Variants in RBL2 observed in about 807,000 individuals in gnomAD.
RBL2 encodes RB transcriptional corepressor like 2.
Under a neutral mutation model 126.0 loss-of-function variants are expected in RBL2, and 56 were observed. The ratio of observed to expected loss-of-function variants is 0.44; its 90% CI spans 0.36 to 0.56. The LOEUF is 0.56. Among genes scored for constraint, RBL2 ranks in the 20% least tolerant of loss-of-function variants. The pLI, the probability that RBL2 is intolerant of heterozygous loss-of-function variation, is 0.00. For synonymous variants in RBL2, 454 were observed against 478.5 expected, an observed-to-expected ratio of 0.95 and a Z score of 0.67; for missense variants, 1,229 against 1,398.2, an observed-to-expected ratio of 0.88 and a Z score of 1.93.
At chr16:53,464,665 C>A in intron 12 of RBL2, 1 of 217,982 alleles carries the variant, frequency 4.6e-6, no homozygotes, top group Non-Finnish European at 8.8e-6. Context: ...ATGTCACTAG[C>A]TAATCTTGTA....
At chr16:53,453,362 C>G in intron 5 of RBL2, 90 bp from the exon 6 acceptor site, 1 of 1,196,120 alleles carries the variant, frequency 8.4e-7, no homozygotes, top group East Asian at 2.4e-5. Context: ...AAGTGGTATA[C>G]TGATTATACT....
chr16:53,467,744 A>G lies in RBL2; in HGVS notation c.1975+575A>G, dbSNP rs531261627. Reference sequence around the variant, plus strand: ...TTAAAGTGTATGTTTATTTATGAGCATACAAAATAGTGGAAATGGAAAAAC... The same window carrying G: ...TTAAAGTGTATGTTTATTTATGAGCGTACAAAATAGTGGAAATGGAAAAAC... On this transcript the variant is annotated intron_variant, in intron 14 of 21. Transcript: ENST00000262133. Among the ~76,000 whole-genome samples the G allele has an allele frequency of 5.9e-5, 9 of 152,354 alleles. No individual in the cohort carries two copies. The East Asian group carries it at 1.7e-3, about 29-fold the overall frequency.
chr16:53,471,512 C>A lies in RBL2; in HGVS notation c.2703+590C>A, dbSNP rs2058323447. ...GAGATGTTGTTTCATTCTTGTCACC[C>A]AGGCTGGAGTGCAGTGGTGCATCTC... On this transcript the variant is annotated intron_variant, in intron 17 of 21. Coordinates refer to ENST00000262133, the MANE Select transcript of RBL2 (RefSeq NM_005611.4). Among the ~76,000 whole-genome samples, 3 of 151,984 alleles carry A rather than the reference C, an allele frequency of 2.0e-5. No individual in the cohort carries two copies. In the South Asian group the frequency reaches 6.2e-4, roughly 32 times the overall value.
chr16:53,491,240 A>C lies in RBL2; in HGVS notation c.*940A>C, dbSNP rs1302340600. ...TCTTCCTTTAGGAGGGAGTTATCTAAAAGAAATGTCTATTAAGGTGATATA... is the reference window on the plus strand; with the variant it reads ...TCTTCCTTTAGGAGGGAGTTATCTACAAGAAATGTCTATTAAGGTGATATA... On this transcript the variant is annotated 3_prime_UTR_variant, in exon 22 of 22. Coordinates refer to ENST00000262133, the MANE Select transcript of RBL2 (RefSeq NM_005611.4). The C allele has an allele frequency of 2.0e-5, 3 of 152,182 alleles. No homozygotes were observed. In the South Asian group the frequency reaches 6.2e-4, roughly 31 times the overall value. The allele number at this position is 152,182 out of a possible 1,614,324, so 9.4% of individuals were successfully genotyped here.
intron 4 of RBL2, chr16:53,449,549 T>G (rs1469307042): frequency 6.9e-6 from 1 of 145,922 alleles, no homozygotes; most frequent in Non-Finnish European, 1.5e-5. Context: ...GAGCTGAGAT[T>G]GCACCTCCAG....
intron 8 of RBL2, among the ~76,000 whole-genome samples, chr16:53,455,117 A>G (rs1448698156): frequency 7.2e-5 from 11 of 152,262 alleles, no homozygotes; most frequent in Admixed American, 7.2e-4. Flanking sequence ...AAGATGGGCC[A>G]GTAATATATG....
intron 21 of RBL2, among the ~76,000 whole-genome samples, chr16:53,483,365 G>A (rs1961032650): frequency 1.3e-5 from 2 of 152,052 alleles, no homozygotes; most frequent in Admixed American, 6.6e-5. Context: ...GTTGGAGAAC[G>A]GCTCAGGCAA....
At chr16:53,478,443 G>A (rs1430818400) in intron 17 of RBL2, among the ~76,000 whole-genome samples, 1 of 150,834 alleles carries the variant, frequency 6.6e-6, no homozygotes, top group Non-Finnish European at 1.5e-5. Flanking sequence ...TTACACGTAT[G>A]TTGATTTCCT....
At chr16:53,472,953 G>A (rs974403467) in intron 17 of RBL2, among the ~76,000 whole-genome samples, 1 of 152,280 alleles carries the variant, frequency 6.6e-6, no homozygotes, top group South Asian at 2.1e-4. Context: ...TTGAAAAGAA[G>A]ATTTTTTTCC....
At chr16:53,436,480 T>C (rs1275338636) in intron 1 of RBL2, among the ~76,000 whole-genome samples, 2 of 152,220 alleles carry the variant, frequency 1.3e-5, no homozygotes, top group Non-Finnish European at 2.9e-5. Flanking sequence ...TCATCAAATA[T>C]TTCTTGAGCA....
At chr16:53,435,844 C>T (rs2057953699) in intron 1 of RBL2, 1 of 1,088,246 alleles carries the variant, frequency 9.2e-7, no homozygotes, top group African/African-American at 1.6e-5. Context: ...ATTACTAGTT[C>T]CCTCTTTGAA....
At chr16:53,482,295 T>C (rs1401494720) in intron 21 of RBL2, among the ~76,000 whole-genome samples, 1 of 152,212 alleles carries the variant, frequency 6.6e-6, no homozygotes, top group Non-Finnish European at 1.5e-5. Flanking sequence ...AACAGCCACC[T>C]CATTCTAAGA....
chr16:53,481,529 TTTAGG>T (rs1960945665), intron 20 of RBL2, 137 bp from the exon 21 acceptor site: 2 of 751,898 alleles, frequency 2.7e-6, no homozygotes, highest in African/African-American at 1.8e-5. Context: ...AATATTTTTC[TTTAGG>T]TTAAGTTATT....
chr16:53,468,562 C>A (rs2058291902), intron 14 of RBL2, among the ~76,000 whole-genome samples: 1 of 152,038 alleles, frequency 6.6e-6, no homozygotes, highest in African/African-American at 2.4e-5. Flanking sequence ...TTGTACTTAC[C>A]ACTTCTCAGT....
At chr16:53,456,737 C>A (rs1403098726) in intron 8 of RBL2, among the ~76,000 whole-genome samples, 1 of 152,230 alleles carries the variant, frequency 6.6e-6, no homozygotes, top group African/African-American at 2.4e-5. Context: ...GCAATTCCCT[C>A]TGCCTAAACT....
At chr16:53,449,958 CTTTTTTTTTT>C (rs764078451) in intron 4 of RBL2, among the ~76,000 whole-genome samples, 5 of 109,744 alleles carry the variant, frequency 4.6e-5, no homozygotes, top group Non-Finnish European at 9.3e-5. Context: ...ACAGTACTGC[CTTTTTTTTTT>C]TTTTTTTTTG....
At chr16:53,435,694 A>AT (rs1344509265) in intron 1 of RBL2, 1 of 1,289,122 alleles carries the variant, frequency 7.8e-7, no homozygotes, top group African/African-American at 1.5e-5. Context: ...TTTATAATTA[A>AT]TTTGTAGAAA....
At chr16:53,469,528 G>A (rs8061388) in intron 14 of RBL2, among the ~76,000 whole-genome samples, 3 of 152,086 alleles carry the variant, frequency 2.0e-5, no homozygotes, top group Admixed American at 2.0e-4. Context: ...TACATGAGTG[G>A]TAGGTAGAAA....
In RBL2 at chr16:53,481,845, A is replaced by AC. The variant is rs752825524; in HGVS notation, c.3249+11dup. On this transcript the variant is annotated intron_variant, in intron 21 of 21. Coordinates refer to ENST00000262133, the MANE Select transcript of RBL2 (RefSeq NM_005611.4). ...CAACAGTCCTTCAAAGGTGAGCCTA[A>AC]CATCAATCTTGGCCTTTACTAACCT... is the stretch of plus-strand genomic sequence containing the variant. The AC allele has an allele frequency of 6.4e-7, 1 of 1,566,786 alleles. No homozygotes were observed. Among genetic ancestry groups the AC allele is most frequent in the African/African-American group, 1.4e-5 (1 of 73,912 alleles).
Sources: gnomAD v4.1 joint callset for allele counts (sites outside exome capture counted in the v4.1 genomes callset) on GRCh38, gnomAD v4.1.1 for gene constraint, MANE v1.5 for transcripts, NCBI Gene and HGNC (gene_info 2026-07-23, HGNC 2026-07-21) for gene names.